Variants in LDLRAD3 observed in about 807,000 individuals in gnomAD.
The protein encoded by LDLRAD3 is low-density lipoprotein receptor class A domain-containing protein 3.
A neutral mutation model predicts 29.4 loss-of-function variants in LDLRAD3; 20 were observed. That is an observed-to-expected ratio of 0.68 (90% CI 0.48 to 0.99). The LOEUF is 0.99. Ranked by LOEUF, LDLRAD3 falls within the 50% of genes least tolerant of loss-of-function variation. The probability of loss-of-function intolerance (pLI) is 0.00; values close to 1 mark genes in which losing one functional copy is unlikely to be tolerated. For synonymous variants in LDLRAD3, 157 were observed against 192.7 expected (o/e 0.81, Z 1.53); for missense variants, 420 against 454.3 (o/e 0.92, Z 0.69).
At chr11:36,145,399 G>A (rs1297897579) in intron 4 of LDLRAD3, among the ~76,000 whole-genome samples, 5 of 101,668 alleles carry the variant, frequency 4.9e-5, no homozygotes, top group African/African-American at 1.4e-4. Flanking sequence ...TCAGCCCCCC[G>A]CCCAGCCAGC....
chr11:36,098,353 G>A lies in LDLRAD3; in HGVS notation c.346G>A (p.Ala116Thr), dbSNP rs563065338. The A allele has an allele frequency of 3.9e-5, 63 of 1,614,120 alleles. No homozygotes were observed. The East Asian group carries it at 1.0e-3, about 27-fold the overall frequency. Residue 116 changes from alanine to threonine, a missense_variant, in exon 4 of 6, where the codon GCC becomes ACC. Coordinates refer to ENST00000315571, the MANE Select transcript of LDLRAD3 (RefSeq NM_174902.4). ...CTANPLLCST[A>T]RYHCKNGLCI... The stretch of plus-strand genomic sequence containing the variant: ...AGCAAACCCTCTGCTTTGCTCCACC[G>A]CCCGCTACCACTGCAAGAACGGCCT...
chr11:36,199,122 G>A (rs937579254), intron 4 of LDLRAD3, among the ~76,000 whole-genome samples: 9 of 151,932 alleles, frequency 5.9e-5, no homozygotes, highest in East Asian at 1.9e-4. Context: ...GGATGGTCTT[G>A]ATCTCCTAAC....
chr11:35,997,275 T>C (rs1851767346), intron 1 of LDLRAD3: 1 of 363,624 alleles, frequency 2.8e-6, no homozygotes, highest in Non-Finnish European at 5.3e-6. Flanking sequence ...GACTGGGCAG[T>C]TCCCAGGATC....
At chr11:36,164,136 TG>T (rs1280765826) in intron 4 of LDLRAD3, among the ~76,000 whole-genome samples, 2 of 152,204 alleles carry the variant, frequency 1.3e-5, no homozygotes, top group Non-Finnish European at 2.9e-5. Flanking sequence ...GCTGATATCA[TG>T]GTTGAGCCCT....
At chr11:35,977,909 A>G (rs569768950) in intron 1 of LDLRAD3, among the ~76,000 whole-genome samples, 3 of 152,278 alleles carry the variant, frequency 2.0e-5, no homozygotes, top group Admixed American at 6.5e-5. Flanking sequence ...AGATTTAAAC[A>G]TAAGAATTTT....
intron 4 of LDLRAD3, among the ~76,000 whole-genome samples, chr11:36,192,100 C>T (rs955045175): frequency 6.6e-6 from 1 of 152,114 alleles, no homozygotes; most frequent in Admixed American, 6.5e-5. Context: ...AGATGAGGGT[C>T]AAAGAATGCG....
At chr11:36,094,139 G>T (rs2133269601) in intron 3 of LDLRAD3, among the ~76,000 whole-genome samples, 1 of 152,252 alleles carries the variant, frequency 6.6e-6, no homozygotes, top group African/African-American at 2.4e-5. Flanking sequence ...ACTCGCCCCT[G>T]TCTGCCCAGG....
At chr11:36,210,355 T>G (rs1022989044) in intron 4 of LDLRAD3, among the ~76,000 whole-genome samples, 1 of 152,112 alleles carries the variant, frequency 6.6e-6, no homozygotes, top group African/African-American at 2.4e-5. Flanking sequence ...TTCTTCACTT[T>G]CTTGTTTTAA....
At chr11:36,020,305 C>T (rs1330005417) in intron 1 of LDLRAD3, among the ~76,000 whole-genome samples, 2 of 152,082 alleles carry the variant, frequency 1.3e-5, no homozygotes, top group Admixed American at 6.5e-5. Context: ...ATTTTTGGTT[C>T]CTATGCCCGC....
chr11:36,227,092 C>A lies in LDLRAD3; in HGVS notation c.462C>A (p.Gly154=). 1.3e-6 allele frequency: 2 copies of A among 1,586,244 alleles called. No individual in the cohort carries two copies. Among genetic ancestry groups the A allele is most frequent in the Non-Finnish European group, 1.7e-6 (2 of 1,160,942 alleles). Residue 154 remains glycine, a synonymous_variant, in exon 5 of 6, where the codon GGC becomes GGA. Transcript: ENST00000315571. ...EESCESSQEP[G]SGQVFVTSEN... ...CTCTCTTGGGTTTCTCAGAACCCGG[C>A]AGTGGGCAGGTGTTTGTGACTTCAG...
rs1033696761 is a variant in LDLRAD3, at chr11:36,229,763, C to T, written c.*366C>T. Reference sequence around the variant, plus strand: ...ATTGGATGCTCAGAAGTGCAGGAGACGCTGGACCCAATTCTCTCTGCTGGG... The same window carrying T: ...ATTGGATGCTCAGAAGTGCAGGAGATGCTGGACCCAATTCTCTCTGCTGGG... On this transcript the variant is annotated 3_prime_UTR_variant, in exon 6 of 6. Transcript: ENST00000315571. 1.0e-4 allele frequency: 20 copies of T among 199,434 alleles called. No individual in the cohort carries two copies. Among genetic ancestry groups the T allele is most frequent in the South Asian group, 6.3e-4 (4 of 6,318 alleles). 12.4% of individuals were successfully genotyped at this position (199,434 alleles called of 1,614,324 possible).
intron 4 of LDLRAD3, among the ~76,000 whole-genome samples, chr11:36,194,560 TG>T (rs1348913311): frequency 1.3e-5 from 2 of 152,170 alleles, no homozygotes; most frequent in African/African-American, 4.8e-5. Context: ...TCCCAGGACT[TG>T]GAGTCTTGGT....
intron 2 of LDLRAD3, among the ~76,000 whole-genome samples, chr11:36,060,713 C>G (rs558936926): frequency 2.2e-4 from 33 of 152,306 alleles, no homozygotes; most frequent in African/African-American, 7.5e-4. Flanking sequence ...ATACTTCTCT[C>G]CATCCTCACT....
At chr11:36,126,428 A>G (rs1428568320) in intron 4 of LDLRAD3, among the ~76,000 whole-genome samples, 1 of 152,066 alleles carries the variant, frequency 6.6e-6, no homozygotes, top group African/African-American at 2.4e-5. Flanking sequence ...CAGATCTCTT[A>G]TTGGAGAGAG....
intron 4 of LDLRAD3, among the ~76,000 whole-genome samples, chr11:36,224,245 G>A (rs946185709): frequency 1.3e-5 from 2 of 152,048 alleles, no homozygotes; most frequent in African/African-American, 4.8e-5. Context: ...CACGGATACT[G>A]TTGTTTACCC....
chr11:36,181,975 C>T (rs1203144820), intron 4 of LDLRAD3, among the ~76,000 whole-genome samples: 1 of 152,100 alleles, frequency 6.6e-6, no homozygotes, highest in Non-Finnish European at 1.5e-5. Context: ...CACAATTGAC[C>T]CAAAGCATCA....
At chr11:36,186,729 C>T (rs1854854787) in intron 4 of LDLRAD3, among the ~76,000 whole-genome samples, 1 of 152,172 alleles carries the variant, frequency 6.6e-6, no homozygotes, top group South Asian at 2.1e-4. Context: ...ATTCCTGTGA[C>T]TGATCGTGGC....
At chr11:36,025,302 C>T (rs1358921780) in intron 1 of LDLRAD3, among the ~76,000 whole-genome samples, 5 of 151,500 alleles carry the variant, frequency 3.3e-5, no homozygotes, top group African/African-American at 9.7e-5. Context: ...TAAAGGGTAG[C>T]GAAAAGTTAC....
At chr11:36,044,738 G>A (rs926956520) in intron 2 of LDLRAD3, among the ~76,000 whole-genome samples, 1 of 152,230 alleles carries the variant, frequency 6.6e-6, no homozygotes, top group Non-Finnish European at 1.5e-5. Context: ...CATTTGAGGG[G>A]CTGAGGTGAG....
Sources: gnomAD v4.1 joint callset for allele counts (sites outside exome capture counted in the v4.1 genomes callset) on GRCh38, gnomAD v4.1.1 for gene constraint, MANE v1.5 for transcripts, NCBI Gene and HGNC (gene_info 2026-07-23, HGNC 2026-07-21) for gene names.